Variants in PRKAG2 observed in about 807,000 individuals in gnomAD.
PRKAG2 encodes 5'-AMP-activated protein kinase subunit gamma-2.
A neutral mutation model predicts 69.6 loss-of-function variants in PRKAG2; 26 were observed. That is an observed-to-expected ratio of 0.37 (90% CI 0.27 to 0.52). The LOEUF is 0.52. Among genes scored for constraint, PRKAG2 ranks in the 20% least tolerant of loss-of-function variants. The probability of loss-of-function intolerance (pLI) is 0.90; values close to 1 mark genes in which losing one functional copy is unlikely to be tolerated. For synonymous variants in PRKAG2, 293 were observed against 285.0 expected (o/e 1.03, Z -0.28); for missense variants, 557 against 740.0 (o/e 0.75, Z 2.87).
chr7:151,760,349 G>T (rs1479740248), intron 3 of PRKAG2, among the ~76,000 whole-genome samples: 1 of 152,194 alleles, frequency 6.6e-6, no homozygotes, highest in African/African-American at 2.4e-5. Flanking sequence ...TGATTCTCCT[G>T]TCTCAGCCTC....
chr7:151,573,010 G>C (rs1807960487), intron 8 of PRKAG2, among the ~76,000 whole-genome samples: 1 of 152,036 alleles, frequency 6.6e-6, no homozygotes. Context: ...CTACTCAGGA[G>C]GCTGAGGCAG....
chr7:151,650,767 T>C (rs1470500345), intron 4 of PRKAG2, among the ~76,000 whole-genome samples: 1 of 152,222 alleles, frequency 6.6e-6, no homozygotes, highest in African/African-American at 2.4e-5. Flanking sequence ...AGAAGGCCAG[T>C]GTCACTTAAG....
chr7:151,637,979 G>A (rs1387720478), intron 4 of PRKAG2, among the ~76,000 whole-genome samples: 1 of 152,172 alleles, frequency 6.6e-6, no homozygotes, highest in Non-Finnish European at 1.5e-5. Flanking sequence ...GCAATGTCAT[G>A]CAAGCAAAGG....
intron 15 of PRKAG2, chr7:151,557,898 A>G (rs1307488558): frequency 2.0e-6 from 2 of 981,210 alleles, no homozygotes; most frequent in South Asian, 9.4e-5. Context: ...AAACAAAAAA[A>G]CAAAAAAAAA....
At chr7:151,669,635 AT>A (rs1429612520) in intron 4 of PRKAG2, among the ~76,000 whole-genome samples, 1 of 150,950 alleles carries the variant, frequency 6.6e-6, no homozygotes, top group Non-Finnish European at 1.5e-5. Flanking sequence ...TGATTTTCAA[AT>A]TGAAGTTCCA....
At chr7:151,833,359 C>T (rs891285879) in intron 1 of PRKAG2, among the ~76,000 whole-genome samples, 1 of 152,166 alleles carries the variant, frequency 6.6e-6, no homozygotes, top group Non-Finnish European at 1.5e-5. Flanking sequence ...CTGCTCATCC[C>T]TGAGCAGGAC....
chr7:151,859,665 T>C (rs1381757120), intron 1 of PRKAG2, among the ~76,000 whole-genome samples: 1 of 152,192 alleles, frequency 6.6e-6, no homozygotes, highest in African/African-American at 2.4e-5. Context: ...GTGCCAGAGC[T>C]GTCCCTTGGC....
At chr7:151,713,732 A>G (rs1795687837) in intron 3 of PRKAG2, among the ~76,000 whole-genome samples, 1 of 151,944 alleles carries the variant, frequency 6.6e-6, no homozygotes, top group East Asian at 1.9e-4. Context: ...GGTGCAGGCC[A>G]CCACACCCAG....
rs879781879 is a variant in PRKAG2 at position 151,699,374 on chromosome 7, G to A, written c.467-23737C>T. On this transcript the variant is annotated intron_variant, in intron 3 of 15. Transcript: ENST00000287878. This position sits in a 1 kb window ranked among gnomAD's most constrained non-coding sequence, Gnocchi z 4.5. ...CCGGATGCCTGTGTGGTTACGATCC[G>A]GTTACATCTCAGCCCCCTGCTGAGA... 2.0e-5 allele frequency among the ~76,000 whole-genome samples: 3 copies of A among 152,168 alleles called. No homozygotes were observed. Among genetic ancestry groups the A allele is most frequent in the Admixed American group, 1.3e-4 (2 of 15,288 alleles).
intron 1 of PRKAG2, among the ~76,000 whole-genome samples, chr7:151,823,710 T>TG (rs1006029465): frequency 6.6e-6 from 1 of 152,114 alleles, no homozygotes; most frequent in African/African-American, 2.4e-5. Flanking sequence ...CCTGATCCTA[T>TG]GATCCTTTAC....
intron 5 of PRKAG2, among the ~76,000 whole-genome samples, chr7:151,629,740 A>G (rs1823931732): frequency 6.6e-6 from 1 of 152,256 alleles, no homozygotes; most frequent in Non-Finnish European, 1.5e-5. Flanking sequence ...TACAGCGAAT[A>G]TATCTCGGTT....
intron 1 of PRKAG2, among the ~76,000 whole-genome samples, chr7:151,841,738 T>G (rs2079296170): frequency 7.2e-6 from 1 of 138,984 alleles, no homozygotes; most frequent in Non-Finnish European, 1.5e-5. Context: ...GTGATGATGG[T>G]AGTGATAGTA....
chr7:151,696,430 C>T (rs904669771), intron 3 of PRKAG2, among the ~76,000 whole-genome samples: 1 of 152,194 alleles, frequency 6.6e-6, no homozygotes, highest in African/African-American at 2.4e-5. Flanking sequence ...GCTCTGGTGG[C>T]CTGGGGCAGG....
chr7:151,782,051 C>A (rs1337385252), intron 2 of PRKAG2, among the ~76,000 whole-genome samples: 1 of 151,886 alleles, frequency 6.6e-6, no homozygotes, highest in Admixed American at 6.6e-5. Context: ...GCGGGTGGAT[C>A]AACTGAGGTC....
chr7:151,650,061 T>C (rs186009025), intron 4 of PRKAG2, among the ~76,000 whole-genome samples: 14 of 152,068 alleles, frequency 9.2e-5, no homozygotes, highest in Admixed American at 9.2e-4. Context: ...CAGCAAAAAT[T>C]AAAAAGAAAA....
chr7:151,842,820 G>A (rs1586706490), intron 1 of PRKAG2, among the ~76,000 whole-genome samples: 1 of 151,848 alleles, frequency 6.6e-6, no homozygotes, highest in African/African-American at 2.4e-5. Context: ...CCGTGAAGCA[G>A]AGGAGGCTTC....
intron 3 of PRKAG2, among the ~76,000 whole-genome samples, chr7:151,697,791 G>A (rs778841802): frequency 7.2e-5 from 11 of 152,212 alleles, no homozygotes; most frequent in Admixed American, 2.0e-4. Context: ...CAGAAATCGA[G>A]CCTCTCTCCA....
At chr7:151,855,030 T>C (rs777501955) in intron 1 of PRKAG2, among the ~76,000 whole-genome samples, 847 of 14,932 alleles carry the variant, frequency 0.057, 39 homozygotes, top group African/African-American at 0.15. Context: ...ACACACACCA[T>C]GCTCCACACA....
intron 1 of PRKAG2, among the ~76,000 whole-genome samples, chr7:151,827,154 A>T (rs1050146457): frequency 6.6e-6 from 1 of 151,814 alleles, no homozygotes; most frequent in African/African-American, 2.4e-5. Context: ...AACCACAAAA[A>T]CCCCAATGCC....
Sources: gnomAD v4.1 joint callset for allele counts (sites outside exome capture counted in the v4.1 genomes callset) on GRCh38, gnomAD v4.1.1 for gene constraint, Gnocchi (gnomAD v3.1) non-coding constraint, MANE v1.5 for transcripts, NCBI Gene and HGNC (gene_info 2026-07-23, HGNC 2026-07-21) for gene names.